PKHD1L1: variants seen among roughly 807,000 people sequenced by gnomAD.
PKHD1L1 encodes the protein PKHD1 like 1.
In PKHD1L1, 434 loss-of-function variants were observed where a neutral mutation model predicts 462.9. That is an observed-to-expected ratio of 0.94 (90% CI 0.87 to 1.02). The LOEUF is 1.02. Among genes scored for constraint, PKHD1L1 ranks in the 50% least tolerant of loss-of-function variants. The pLI is 0.00. For synonymous variants in PKHD1L1, 1,781 were observed against 1,750.0 expected, an observed-to-expected ratio of 1.02 and a Z score of -0.44; for missense variants, 5,202 against 5,096.1, an observed-to-expected ratio of 1.02 and a Z score of -0.63.
rs764304406 is a variant in PKHD1L1 at position 109,440,798 on chromosome 8, A to G, written c.4045A>G (p.Thr1349Ala). The change falls in exon 33 of 78, where the codon ACC (threonine) becomes GCC (alanine). Residue 1349 changes from threonine (T) to alanine (A), a missense_variant. Coordinates refer to ENST00000378402, the MANE Select transcript of PKHD1L1 (RefSeq NM_177531.6). ...RGSLFGGTEI[T>A]IRGFGFSTIP... ...CTCCTTGTTTGGTGGAACTGAAATC[A>G]CCATAAGGGGTTTTGGATTCAGCAC... The G allele has an allele frequency of 6.2e-7, 1 of 1,613,130 alleles. No individual in the cohort carries two copies.
At chr8:109,406,510 G>A (rs151118703) in intron 17 of PKHD1L1, 32 bp downstream of exon 17, 3 of 1,556,014 alleles carry the variant, frequency 1.9e-6, no homozygotes, top group Non-Finnish European at 1.7e-6. Context: ...TACTTCTGTA[G>A]GAAACAAATG....
Position 109,464,628 on chromosome 8 carries a change from G to A in PKHD1L1, c.7796G>A (p.Arg2599Lys). 1 of 1,612,502 alleles carries A rather than the reference G, an allele frequency of 6.2e-7. No homozygotes were observed. The highest frequency in any genetic ancestry group is 8.5e-7 in the Non-Finnish European group (1 of 1,179,780). The change falls in exon 49 of 78, where the codon AGA (arginine) becomes AAA (lysine). Residue 2599 changes from arginine to lysine, a missense_variant. Physicochemically the swap from Arg to Lys is conservative, Grantham distance 26. Transcript: ENST00000378402. Reference sequence around the variant, plus strand: ...CACCCTGATGGGCCATCCTATGACAGAAACATTTGTCAAAAAAGAGTTCCC... The same window carrying A: ...CACCCTGATGGGCCATCCTATGACAAAAACATTTGTCAAAAAAGAGTTCCC... ...NNHPDGPSYD[R>K]NICQKRVPLG...
At chr8:109,469,080 C>T (rs775453182) in intron 50 of PKHD1L1, among the ~76,000 whole-genome samples, 11 of 152,128 alleles carry the variant, frequency 7.2e-5, no homozygotes, top group African/African-American at 2.7e-4. Flanking sequence ...GATTCCTCTG[C>T]CCAGTGACTA....
chr8:109,484,390 G>C (rs1818423681), intron 57 of PKHD1L1, among the ~76,000 whole-genome samples: 1 of 151,886 alleles, frequency 6.6e-6, no homozygotes, highest in African/African-American at 2.4e-5. Flanking sequence ...ACTTCCATTG[G>C]AGTGGGAGAG....
At chr8:109,511,241 T>A (rs1158019342) in intron 71 of PKHD1L1, among the ~76,000 whole-genome samples, 5 of 152,050 alleles carry the variant, frequency 3.3e-5, no homozygotes, top group African/African-American at 1.2e-4. Context: ...ATGTGCACAA[T>A]GTGTAGGCCA....
chr8:109,378,517 C>T (rs1811951040), intron 2 of PKHD1L1, among the ~76,000 whole-genome samples: 1 of 152,202 alleles, frequency 6.6e-6, no homozygotes, highest in African/African-American at 2.4e-5. Context: ...ATGCACTTCC[C>T]ATAGATATCC....
At chr8:109,467,636 A>G (rs1817519950) in intron 50 of PKHD1L1, among the ~76,000 whole-genome samples, 1 of 152,042 alleles carries the variant, frequency 6.6e-6, no homozygotes, top group Non-Finnish European at 1.5e-5. Context: ...CTATCTCTTT[A>G]TCATTCCATC....
chr8:109,515,100 G>A, intron 71 of PKHD1L1, 70 bp from the exon 72 acceptor site: 4 of 1,226,350 alleles, frequency 3.3e-6, no homozygotes, highest in Non-Finnish European at 4.4e-6. Context: ...CAATATTGAA[G>A]GACGGTTTAA....
chr8:109,437,222 A>G (rs566818525), intron 30 of PKHD1L1, among the ~76,000 whole-genome samples: 58 of 152,302 alleles, frequency 3.8e-4, no homozygotes, highest in Non-Finnish European at 7.3e-4. Flanking sequence ...CCAGGAATAC[A>G]TTTTTAAATG....
In PKHD1L1 at chr8:109,436,456, A is replaced by C. The variant is rs754938623; in HGVS notation, c.3624A>C (p.Pro1208=). 2.2e-5 allele frequency: 36 copies of C among 1,611,652 alleles called. No homozygotes were observed. The highest frequency in any genetic ancestry group is 2.0e-4 in the Admixed American group (12 of 59,724). ...GDLNRITCRT[P]KKTEGTVDIS... ...TGAATAGGATAACCTGCAGGACACCAAAAGTAAGGCCTCTGATTTCAGTCA... is the reference window on the plus strand; with the variant it reads ...TGAATAGGATAACCTGCAGGACACCCAAAGTAAGGCCTCTGATTTCAGTCA... The change falls in exon 30 of 78, where the codon CCA becomes CCC. Residue 1208 remains proline (P), a synonymous_variant. Transcript: ENST00000378402.
intron 21 of PKHD1L1, among the ~76,000 whole-genome samples, chr8:109,414,376 C>T (rs1268503710): frequency 6.6e-6 from 1 of 152,142 alleles, no homozygotes; most frequent in Admixed American, 6.5e-5. Flanking sequence ...AACCATCACT[C>T]CGCTGAAGAC....
At chr8:109,508,023 A>G (rs1412408629) in intron 69 of PKHD1L1, 74 bp from the exon 70 acceptor site, 1 of 1,492,774 alleles carries the variant, frequency 6.7e-7, no homozygotes, top group African/African-American at 1.4e-5. Context: ...GCATAACAAG[A>G]AATAGATGTT....
At chr8:109,475,097 T>C in intron 50 of PKHD1L1, 21 bp from the exon 51 acceptor site, 1 of 1,567,002 alleles carries the variant, frequency 6.4e-7, no homozygotes. Context: ...TATTATTTTC[T>C]TGTTCTATGT....
chr8:109,409,924 TGAA>T lies in PKHD1L1; in HGVS notation c.2036_2038del (p.Glu679del). The T allele has an allele frequency of 6.2e-7, 1 of 1,607,782 alleles. No individual in the cohort carries two copies. Among genetic ancestry groups the T allele is most frequent in the Non-Finnish European group, 8.5e-7 (1 of 1,177,472 alleles). ...AGTGTCCACCACAAATTGCAAATTT[TGAA>T]GAAGGATTTGTTGTGAAATATTTCA... On this transcript the variant is annotated inframe_deletion, in exon 19 of 78. Transcript: ENST00000378402.
At chr8:109,492,147 G>A (rs1027765155) in intron 62 of PKHD1L1, among the ~76,000 whole-genome samples, 153 bp downstream of exon 62, 68 of 149,456 alleles carry the variant, frequency 4.5e-4, no homozygotes, top group Non-Finnish European at 9.7e-4. Flanking sequence ...TTCTGTCAAT[G>A]TCTATTGGTT....
At chr8:109,440,080 T>C (rs896946056) in intron 32 of PKHD1L1, among the ~76,000 whole-genome samples, 3 of 152,064 alleles carry the variant, frequency 2.0e-5, no homozygotes, top group African/African-American at 7.2e-5. Flanking sequence ...GTTAACACAA[T>C]GATTCACGTG....
rs1276771841 is a variant in PKHD1L1 at position 109,404,587 on chromosome 8, A to T, written c.1407A>T (p.Arg469Ser). 1 of 1,591,542 alleles carries T rather than the reference A, an allele frequency of 6.3e-7. No individual in the cohort carries two copies. Among genetic ancestry groups the T allele is most frequent in the Non-Finnish European group, 8.6e-7 (1 of 1,167,998 alleles). Residue 469 changes from arginine to serine, a missense_variant, in exon 15 of 78, where the codon AGA becomes AGT. Physicochemically the swap from Arg to Ser is moderately radical, Grantham distance 110. This residue lies in a region of PKHD1L1 where 4,497 missense variants were observed against 4,336.8 expected (regional missense o/e 1.04). Coordinates refer to ENST00000378402, the MANE Select transcript of PKHD1L1 (RefSeq NM_177531.6). ...YYIEILLQEY[R>S]LSAFVDVGLY... The stretch of plus-strand genomic sequence containing the variant: ...TTGAAATCTTGCTGCAGGAGTACAG[A>T]TTAAGTGCATTTGTTGATGTTGGAC...
At position 109,497,194 on chromosome 8, in the gene PKHD1L1, T is replaced by C; in HGVS notation, c.10521T>C (p.Asn3507=). 1.2e-6 allele frequency: 2 copies of C among 1,613,660 alleles called. No individual in the cohort carries two copies. The highest frequency in any genetic ancestry group is 1.3e-5 in the African/African-American group (1 of 74,968). The change falls in exon 65 of 78, where the codon AAT becomes AAC. Residue 3507 remains asparagine (N), a synonymous_variant. Transcript: ENST00000378402. The part of the protein sequence containing the change: ...VHIYNVTLVD[N]GMAIFPMIYM... ...TTTATAATGTGACCCTGGTTGACAA[T>C]GGAATGGCCATTTTTCCAATGATTT... is the stretch of plus-strand genomic sequence containing the variant.
At chr8:109,412,519 T>C in intron 20 of PKHD1L1, 105 bp downstream of exon 20, 3 of 1,229,528 alleles carry the variant, frequency 2.4e-6, no homozygotes, top group Non-Finnish European at 2.2e-6. Flanking sequence ...ATAAATAGTA[T>C]GTCATATTGT....
Sources: gnomAD v4.1 joint callset for allele counts (sites outside exome capture counted in the v4.1 genomes callset) on GRCh38, gnomAD v4.1.1 for gene constraint, gnomAD v4.1.1 regional missense constraint, MANE v1.5 for transcripts, NCBI Gene and HGNC (gene_info 2026-07-23, HGNC 2026-07-21) for gene names.